Variants in CD8A observed in about 807,000 individuals in gnomAD.
CD8A encodes the protein T-cell surface glycoprotein CD8 alpha chain.
A neutral mutation model predicts 24.2 loss-of-function variants in CD8A; 25 were observed. That is an observed-to-expected ratio of 1.03 (90% confidence interval 0.75 to 1.44). The LOEUF is 1.44. CD8A is among the 40% of genes most tolerant of loss of function. The pLI is 0.00. For synonymous variants in CD8A, 165 were observed against 149.9 expected, an observed-to-expected ratio of 1.10 and a Z score of -0.74; for missense variants, 360 against 319.7, an observed-to-expected ratio of 1.13 and a Z score of -0.96.
At chr2:86,796,937 T>C (rs1673503234) in intron 3 of CD8A, among the ~76,000 whole-genome samples, 1 of 152,194 alleles carries the variant, frequency 6.6e-6, no homozygotes, top group Non-Finnish European at 1.5e-5. Flanking sequence ...CCCTGCTATA[T>C]AAACCCCTTA....
chr2:86,794,329 C>T (rs550621713), upstream of CD8A, among the ~76,000 whole-genome samples: 5 of 152,290 alleles, frequency 3.3e-5, no homozygotes, highest in East Asian at 7.7e-4. Context: ...CAAAACCGGG[C>T]AGAGCAGTGG....
Position 86,790,539 on chromosome 2 carries a change from G to C in CD8A, c.192C>G (p.Ala64=). 1 of 1,613,522 alleles carries C rather than the reference G, an allele frequency of 6.2e-7. No individual in the cohort carries two copies. Among genetic ancestry groups the C allele is most frequent in the Non-Finnish European group, 8.5e-7 (1 of 1,179,930 alleles). The change falls in exon 2 of 6, where the codon GCC becomes GCG. Residue 64 remains alanine (A), a synonymous_variant. Coordinates refer to ENST00000283635, the MANE Select transcript of CD8A (RefSeq NM_001768.7). ...GGTATAGGAGGAAGGTGGGACTGGC[G>C]GCGGCGCCGCGCGGCTGGAAGAGCC... ...CSWLFQPRGA[A]ASPTFLLYLS... is the part of the protein sequence containing the mutation.
chr2:86,790,784 C>A lies in CD8A; in HGVS notation c.42G>T (p.Leu14Phe). 6.5e-7 allele frequency: 1 copy of A among 1,547,634 alleles called. No homozygotes were observed. The highest frequency in any genetic ancestry group is 8.7e-7 in the Non-Finnish European group (1 of 1,150,682). The change falls in exon 1 of 6, where the codon TTG (leucine) becomes TTT (phenylalanine). Residue 14 changes from leucine (L) to phenylalanine (F), a missense_variant. Leu to Phe is a conservative substitution (Grantham distance 22). Transcript: ENST00000283635. Reference sequence around the variant, plus strand: ...CGGGCGTCTCAAACTCACGGAGCAGCAAGGCCAGCGGCAGGAGCAAGGCGG... The same window carrying A: ...CGGGCGTCTCAAACTCACGGAGCAGAAAGGCCAGCGGCAGGAGCAAGGCGG... ...PVTALLLPLA[L>F]LLHAARPSQF...
chr2:86,792,184 G>C (rs1464738105), upstream of CD8A, among the ~76,000 whole-genome samples: 1 of 152,080 alleles, frequency 6.6e-6, no homozygotes, highest in African/African-American at 2.4e-5. Flanking sequence ...TTGCTGTCCT[G>C]AAACCTTCCA....
chr2:86,793,247 A>G (rs1673370561), upstream of CD8A, among the ~76,000 whole-genome samples: 1 of 152,198 alleles, frequency 6.6e-6, no homozygotes, highest in Non-Finnish European at 1.5e-5. Context: ...GTTAGTGGAC[A>G]TTTAGGCGAT....
At chr2:86,804,017 C>A (rs952121769) in intron 2 of CD8A, among the ~76,000 whole-genome samples, 5 of 152,144 alleles carry the variant, frequency 3.3e-5, no homozygotes, top group Non-Finnish European at 7.3e-5. Flanking sequence ...TTAATAATAG[C>A]ATATTATTCC....
intron 2 of CD8A, among the ~76,000 whole-genome samples, chr2:86,802,998 G>A (rs758632008): frequency 6.6e-6 from 1 of 151,976 alleles, no homozygotes; most frequent in Admixed American, 6.6e-5. Context: ...AATGAGTGAC[G>A]GTTGAAACAA....
At chr2:86,786,780 G>C (rs1207038935) in intron 5 of CD8A, among the ~76,000 whole-genome samples, 1 of 151,986 alleles carries the variant, frequency 6.6e-6, no homozygotes, top group Non-Finnish European at 1.5e-5. Context: ...CAGCACTTTG[G>C]GAGGCCAAGG....
At chr2:86,792,499 AT>A (rs10673776), upstream of CD8A, among the ~76,000 whole-genome samples, 33 of 147,710 alleles carry the variant, frequency 2.2e-4, no homozygotes, top group Admixed American at 6.1e-4. Context: ...CGTTGTTGCT[AT>A]TTTTTTTTTT....
At chr2:86,792,629 G>C (rs536805645), upstream of CD8A, among the ~76,000 whole-genome samples, 8 of 152,008 alleles carry the variant, frequency 5.3e-5, no homozygotes, top group African/African-American at 1.9e-4. Context: ...CAAGTAGCTG[G>C]GACCACAGGA....
intron 3 of CD8A, among the ~76,000 whole-genome samples, chr2:86,797,749 C>T (rs899630452): frequency 6.9e-6 from 1 of 144,970 alleles, no homozygotes; most frequent in Non-Finnish European, 1.6e-5. Flanking sequence ...TATAAAATGC[C>T]CACTCTTTAT....
At chr2:86,803,925 T>C (rs550020086) in intron 2 of CD8A, among the ~76,000 whole-genome samples, 3 of 152,278 alleles carry the variant, frequency 2.0e-5, no homozygotes, top group Admixed American at 2.0e-4. Flanking sequence ...AGAGAGGAAA[T>C]GGGCAGATGT....
At chr2:86,797,748 C>A (rs1251707984) in intron 3 of CD8A, among the ~76,000 whole-genome samples, 3 of 145,094 alleles carry the variant, frequency 2.1e-5, no homozygotes, top group Admixed American at 2.0e-4. Flanking sequence ...ATATAAAATG[C>A]CCACTCTTTA....
chr2:86,795,641 G>A (rs1180104295), upstream of CD8A, among the ~76,000 whole-genome samples: 1 of 152,130 alleles, frequency 6.6e-6, no homozygotes, highest in African/African-American at 2.4e-5. Context: ...CCAAGAGTTT[G>A]ACTCCTTCAG....
In CD8A at chr2:86,786,816, C is replaced by G. The variant is rs377368314; in HGVS notation, c.657-845G>C. ...CGGGCGGATCACGAGGTCAGGAGAT[C>G]GAGACCATCCTGGCTAACACGGTGA... On this transcript the variant is annotated intron_variant, in intron 5 of 5. Transcript: ENST00000283635. Among the ~76,000 whole-genome samples, 189 of 151,850 alleles carry G rather than the reference C, an allele frequency of 1.2e-3. 3 individuals carry two copies. The highest frequency in any genetic ancestry group is 4.1e-3 in the African/African-American group (169 of 41,454).
chr2:86,790,388 A>G lies in CD8A; in HGVS notation c.343T>C (p.Cys115Arg). The G allele has an allele frequency of 6.2e-7, 1 of 1,614,124 alleles. No homozygotes were observed. Among genetic ancestry groups the G allele is most frequent in the Non-Finnish European group, 8.5e-7 (1 of 1,180,024 alleles). ...FRRENEGYYFCSALSNSIMYF... is the reference protein window; with the variant it reads ...FRRENEGYYFRSALSNSIMYF... ...ATGATGGAGTTGCTCAGGGCCGAGC[A>G]GAAATAGTAGCCCTCGTTCTCTCGG... Residue 115 changes from cysteine (C) to arginine (R), a missense_variant, in exon 2 of 6, where the codon TGC becomes CGC. Transcript: ENST00000283635.
In CD8A at chr2:86,790,854, C is replaced by T. The variant is rs1396040159; in HGVS notation, c.-29G>A. ...GCGCTCCCCAGGACGCTGCTTGGCT[C>T]GAAGCTCGGGCGCGAGGGGAGGCGC... is the stretch of plus-strand genomic sequence containing the variant. On this transcript the variant is annotated 5_prime_UTR_variant, in exon 1 of 6. Coordinates refer to ENST00000283635, the MANE Select transcript of CD8A (RefSeq NM_001768.7). 1.3e-6 allele frequency: 2 copies of T among 1,537,224 alleles called. No homozygotes were observed. Among genetic ancestry groups the T allele is most frequent in the Non-Finnish European group, 1.7e-6 (2 of 1,146,258 alleles).
chr2:86,787,965 T>G (rs1056092244), intron 5 of CD8A, among the ~76,000 whole-genome samples: 4 of 151,704 alleles, frequency 2.6e-5, no homozygotes, highest in African/African-American at 9.7e-5. Flanking sequence ...TCACTTGAGC[T>G]GCCAGATAGC....
upstream of CD8A, among the ~76,000 whole-genome samples, chr2:86,795,740 T>G (rs1403023014): frequency 1.3e-5 from 2 of 152,082 alleles, no homozygotes; most frequent in Admixed American, 6.5e-5. Flanking sequence ...GATTTTCTCT[T>G]GATTGAAAGA....
Sources: allele counts gnomAD v4.1 joint callset (sites outside exome capture counted in the v4.1 genomes callset), GRCh38; gene constraint gnomAD v4.1.1; transcripts MANE v1.5; gene names NCBI Gene and HGNC (gene_info 2026-07-23, HGNC 2026-07-21).